Variants in BEND3 observed in about 807,000 individuals in gnomAD.
The protein encoded by BEND3 is BEN domain-containing protein 3.
BEND3 carries 13 observed loss-of-function variants against 60.1 expected under a neutral mutation model. That is an observed-to-expected ratio of 0.22 (90% CI 0.14 to 0.34). The LOEUF (loss-of-function observed/expected upper bound fraction) is 0.34, where lower values mean the gene tolerates loss of function less well. Ranked by LOEUF, BEND3 falls within the 10% of genes least tolerant of loss-of-function variation. The pLI is 1.00. For synonymous variants in BEND3, 497 were observed against 491.5 expected (o/e 1.01, Z -0.15); for missense variants, 896 against 1,138.1 (o/e 0.79, Z 3.06).
rs782704719 is a variant in BEND3 at position 107,070,104 on chromosome 6, C to G, written c.1087G>C (p.Val363Leu). Residue 363 changes from valine to leucine, a missense_variant, in exon 4 of 4, where the codon GTG becomes CTG. Val to Leu is a conservative substitution (Grantham distance 32). Around this residue, in one of 4 missense-constraint regions of BEND3, gnomAD observed 846 missense variants for 1,036.7 expected, o/e 0.82. Transcript: ENST00000369042. This position sits in a 1 kb window ranked among gnomAD's most constrained non-coding sequence, Gnocchi z 6.9. ...TTGTCCAGGAAGTGGCCGGGGTCCA[C>G]CTGCTCTGCCTCAAAGAAGCTGGCG... is the stretch of plus-strand genomic sequence containing the variant. ...QVASFFEAEQ[V>L]DPGHFLDNKD... is the part of the protein sequence containing the mutation. 1 of 1,613,418 alleles carries G rather than the reference C, an allele frequency of 6.2e-7. No individual in the cohort carries two copies. The highest frequency in any genetic ancestry group is 8.5e-7 in the Non-Finnish European group (1 of 1,180,030).
intron 3 of BEND3, among the ~76,000 whole-genome samples, chr6:107,072,653 T>A (rs1775007217): frequency 6.6e-6 from 1 of 152,106 alleles, no homozygotes; most frequent in African/African-American, 2.4e-5. Context: ...ACAGAAAACT[T>A]TCATCATTCT....
At position 107,068,871 on chromosome 6, in the gene BEND3, G is replaced by T; in HGVS notation, c.2320C>A (p.Pro774Thr). ...TGGCGGATGAGCCGCAGCCGCGTGG[G>T]GTCCAGTTGCTTCTTGTTGCAAGCC... ...SGACNKKQLD[P>T]TRLRLIRHYV... is the part of the protein sequence containing the mutation. Residue 774 changes from proline (P) to threonine (T), a missense_variant, in exon 4 of 4, where the codon CCC becomes ACC. By Grantham distance (38) the Pro-to-Thr change is conservative. This residue lies in a region of BEND3 where 29 missense variants were observed against 51.9 expected (regional missense o/e 0.56). Coordinates refer to ENST00000369042, the MANE Select transcript of BEND3 (RefSeq NM_001367314.1). This position sits in a 1 kb window ranked among gnomAD's most constrained non-coding sequence, Gnocchi z 5.8. 6.2e-7 allele frequency: 1 copy of T among 1,614,010 alleles called. No homozygotes were observed. The highest frequency in any genetic ancestry group is 1.1e-5 in the South Asian group (1 of 91,068).
Position 107,069,759 on chromosome 6 carries a change from C to T in BEND3, c.1432G>A (p.Asp478Asn), listed in dbSNP as rs1554231595. Reference sequence around the variant, plus strand: ...TCCAGCCCCAGGCCCTCGAGCTCGTCGTTGATGCGCTGGGCACACTGCTGC... The same window carrying T: ...TCCAGCCCCAGGCCCTCGAGCTCGTTGTTGATGCGCTGGGCACACTGCTGC... ...WLQQCAQRINDELEGLGLDAG... is the reference protein window; with the variant it reads ...WLQQCAQRINNELEGLGLDAG... The change falls in exon 4 of 4, where the codon GAC (aspartate) becomes AAC (asparagine). Residue 478 changes from aspartate (D) to asparagine (N), a missense_variant. Coordinates refer to ENST00000369042, the MANE Select transcript of BEND3 (RefSeq NM_001367314.1). 6.2e-6 allele frequency: 10 copies of T among 1,612,578 alleles called. No homozygotes were observed. The highest frequency in any genetic ancestry group is 1.1e-5 in the South Asian group (1 of 91,074).
intron 3 of BEND3, among the ~76,000 whole-genome samples, chr6:107,086,451 C>T (rs574947435): frequency 1.3e-5 from 2 of 151,290 alleles, no homozygotes; most frequent in African/African-American, 4.9e-5. Context: ...CCTCTCTCTA[C>T]TAAAAATACA....
chr6:107,099,185 A>G (rs1458653953), intron 2 of BEND3, 64 bp downstream of exon 2: 1 of 1,317,670 alleles, frequency 7.6e-7, no homozygotes, highest in South Asian at 1.2e-5. Flanking sequence ...GACCATGTGA[A>G]TGTATGACCT....
At chr6:107,114,578 T>A (rs1397770976) in intron 1 of BEND3, 2 of 145,764 alleles carry the variant, frequency 1.4e-5, no homozygotes, top group East Asian at 4.3e-4. Context: ...CTGCTCCCGC[T>A]CCGACACCCC....
chr6:107,072,381 G>A (rs1775001343), intron 3 of BEND3, among the ~76,000 whole-genome samples: 2 of 152,208 alleles, frequency 1.3e-5, no homozygotes, highest in South Asian at 4.1e-4. Flanking sequence ...TGCTGTGGCT[G>A]CTGTCTATCC....
At chr6:107,107,306 A>C (rs1284221114) in intron 1 of BEND3, among the ~76,000 whole-genome samples, 1 of 151,972 alleles carries the variant, frequency 6.6e-6, no homozygotes, top group Admixed American at 6.6e-5. Context: ...CTACCCATCC[A>C]AGCTGTATTC....
Position 107,065,342 on chromosome 6 carries a change from T to G in BEND3, c.*3362A>C, listed in dbSNP as rs1298269764. ...TCCAATCTATGGTAAAATGCAGACATGATGCGAGATTTCATTATCTTTGGT... is the reference window on the plus strand; with the variant it reads ...TCCAATCTATGGTAAAATGCAGACAGGATGCGAGATTTCATTATCTTTGGT... On this transcript the variant is annotated 3_prime_UTR_variant, in exon 4 of 4. Transcript: ENST00000369042. 3.3e-5 allele frequency: 5 copies of G among 152,640 alleles called. No individual in the cohort carries two copies. Among genetic ancestry groups the G allele is most frequent in the African/African-American group, 1.2e-4 (5 of 41,460 alleles). 9.5% of individuals were successfully genotyped at this position (152,640 alleles called of 1,614,324 possible). A position where few individuals can be genotyped will look rare whatever the true frequency, so the allele number is the denominator to read the frequency against.
intron 3 of BEND3, among the ~76,000 whole-genome samples, chr6:107,090,781 AT>A (rs1484988491): frequency 6.6e-6 from 1 of 152,108 alleles, no homozygotes; most frequent in African/African-American, 2.4e-5. Context: ...AAAGAAAAAA[AT>A]ATTTAAGAAA....
chr6:107,070,440 C>G lies in BEND3; in HGVS notation c.751G>C (p.Ala251Pro). 1 of 1,614,006 alleles carries G rather than the reference C, an allele frequency of 6.2e-7. No homozygotes were observed. The highest frequency in any genetic ancestry group is 8.5e-7 in the Non-Finnish European group (1 of 1,180,010). ...QPPPEYQLTA[A>P]ELKQIVDQSL... ...TGGTCCACGATCTGCTTGAGCTCTG[C>G]GGCTGTGAGCTGGTACTCAGGGGGC... The change falls in exon 4 of 4, where the codon GCA becomes CCA. Residue 251 changes from alanine to proline, a missense_variant. Physicochemically the swap from Ala to Pro is conservative, Grantham distance 27. Coordinates refer to ENST00000369042, the MANE Select transcript of BEND3 (RefSeq NM_001367314.1). This position sits in a 1 kb window ranked among gnomAD's most constrained non-coding sequence, Gnocchi z 6.9.
intron 1 of BEND3, among the ~76,000 whole-genome samples, chr6:107,109,982 G>C (rs1554238131): frequency 6.7e-6 from 1 of 149,942 alleles, no homozygotes; most frequent in Non-Finnish European, 1.5e-5. Context: ...AGTGAGCTGT[G>C]ATCGTGCCAC....
chr6:107,112,550 T>TAAC (rs563754162), intron 1 of BEND3, among the ~76,000 whole-genome samples: 239 of 151,632 alleles, frequency 1.6e-3, no homozygotes, highest in African/African-American at 5.7e-3. Context: ...GCATCTCTGG[T>TAAC]ATCAACAACA....
At position 107,115,371 on chromosome 6, in the gene BEND3, G is replaced by A. The variant is rs1183015513; in HGVS notation, c.-293C>T. On this transcript the variant is annotated 5_prime_UTR_variant, in exon 1 of 4. Coordinates refer to ENST00000369042, the MANE Select transcript of BEND3 (RefSeq NM_001367314.1). ...GCTGCAGTGGAACCACAACCCCTCCGCCCCCACCCCCGGCCCGCCCCTCCC... is the reference window on the plus strand; with the variant it reads ...GCTGCAGTGGAACCACAACCCCTCCACCCCCACCCCCGGCCCGCCCCTCCC... The A allele has an allele frequency of 6.7e-6, 1 of 148,616 alleles. No homozygotes were observed. The highest frequency in any genetic ancestry group is 1.5e-5 in the Non-Finnish European group (1 of 66,580). The allele number at this position is 148,616 out of a possible 1,614,324, so 9.2% of individuals were successfully genotyped here.
chr6:107,086,918 G>A (rs782651602), intron 3 of BEND3, among the ~76,000 whole-genome samples: 2 of 151,758 alleles, frequency 1.3e-5, no homozygotes, highest in African/African-American at 2.4e-5. Context: ...ACAGCTACTC[G>A]GGAGGCTGAG....
chr6:107,093,306 A>G (rs1016211778), intron 3 of BEND3, among the ~76,000 whole-genome samples: 2 of 152,110 alleles, frequency 1.3e-5, no homozygotes, highest in Non-Finnish European at 2.9e-5. Flanking sequence ...TAAAAATACA[A>G]AAAAATTAGC....
intron 2 of BEND3, 82 bp from the exon 3 acceptor site, chr6:107,098,835 T>C: frequency 1.6e-6 from 2 of 1,216,492 alleles, no homozygotes; most frequent in Non-Finnish European, 2.4e-6. Flanking sequence ...CAGCAGGGTG[T>C]CTGTGGGCCG....
intron 3 of BEND3, among the ~76,000 whole-genome samples, chr6:107,074,292 G>A (rs1775053432): frequency 6.6e-6 from 1 of 152,114 alleles, no homozygotes; most frequent in Non-Finnish European, 1.5e-5. Flanking sequence ...GCGCGTGCTT[G>A]TAATCCCAGC....
intron 3 of BEND3, among the ~76,000 whole-genome samples, chr6:107,081,558 C>A (rs1442324284): frequency 6.6e-6 from 1 of 152,132 alleles, no homozygotes; most frequent in African/African-American, 2.4e-5. Flanking sequence ...CCCTTCAGAT[C>A]TAATGGGTCA....
Sources: allele counts gnomAD v4.1 joint callset (sites outside exome capture counted in the v4.1 genomes callset), GRCh38; gene constraint gnomAD v4.1.1; regional missense constraint gnomAD v4.1.1; non-coding constraint Gnocchi (gnomAD v3.1); transcripts MANE v1.5; gene names NCBI Gene and HGNC (gene_info 2026-07-23, HGNC 2026-07-21).